Variants in FBXO31 observed in about 807,000 individuals in gnomAD.
The protein encoded by FBXO31 is F-box protein 31, also known as F-box only protein 31.
FBXO31 carries 24 observed loss-of-function variants against 54.4 expected under a neutral mutation model. That is an observed-to-expected ratio of 0.44 (90% CI 0.32 to 0.62). The LOEUF (loss-of-function observed/expected upper bound fraction) is 0.62. Among genes scored for constraint, FBXO31 ranks in the 20% least tolerant of loss-of-function variants. FBXO31 has a pLI of 0.05. For synonymous variants in FBXO31, 388 were observed against 335.6 expected, an observed-to-expected ratio of 1.16 and a Z score of -1.71; for missense variants, 665 against 787.1, an observed-to-expected ratio of 0.84 and a Z score of 1.86.
In FBXO31 at chr16:87,366,792, C is replaced by T. The variant is rs558884163; in HGVS notation, c.341-6426G>A. On this transcript the variant is annotated intron_variant, in intron 1 of 8. Coordinates refer to ENST00000311635, the MANE Select transcript of FBXO31 (RefSeq NM_024735.5). ...GACGGGCCGGCTGCTGGGAGTGTGACGTCCACTCTTCTGCAAAGAAAGGGG... is the reference window on the plus strand; with the variant it reads ...GACGGGCCGGCTGCTGGGAGTGTGATGTCCACTCTTCTGCAAAGAAAGGGG... 2.3e-4 allele frequency among the ~76,000 whole-genome samples: 35 copies of T among 152,282 alleles called. 1 individual carries two copies. In the South Asian group the frequency reaches 6.8e-3, roughly 30 times the overall value.
chr16:87,367,782 G>A (rs1029515071), intron 1 of FBXO31: 7 of 152,180 alleles, frequency 4.6e-5, no homozygotes, highest in African/African-American at 1.4e-4. Context: ...GTGGACACCG[G>A]AAAACGCATC....
In FBXO31 at chr16:87,347,254, CAGG is replaced by C. The variant is rs1413847119; in HGVS notation, c.413-7_413-5del. On this transcript the variant is annotated splice_polypyrimidine_tract_variant and splice_region_variant and intron_variant, in intron 2 of 8. Coordinates refer to ENST00000311635, the MANE Select transcript of FBXO31 (RefSeq NM_024735.5). ...ATGTGTCTATATCGGTGAAGCACTACAGGAGGAGAGAAAGAGCAAGTCTCTGTG... is the reference window on the plus strand; with the variant it reads ...ATGTGTCTATATCGGTGAAGCACTACAGGAGAGAAAGAGCAAGTCTCTGTG... The C allele has an allele frequency of 6.2e-7, 1 of 1,613,786 alleles. No individual in the cohort carries two copies. The highest frequency in any genetic ancestry group is 8.5e-7 in the Non-Finnish European group (1 of 1,179,826).
intron 7 of FBXO31, 118 bp from the exon 8 acceptor site, chr16:87,334,404 C>A: frequency 1.1e-6 from 1 of 887,448 alleles, no homozygotes; most frequent in Non-Finnish European, 1.7e-6. Context: ...CTCCTACTGA[C>A]TTAGCAACGT....
At chr16:87,354,016 C>G (rs1322844254) in intron 2 of FBXO31, among the ~76,000 whole-genome samples, 1 of 152,246 alleles carries the variant, frequency 6.6e-6, no homozygotes, top group Admixed American at 6.5e-5. Context: ...GGGATTCTGC[C>G]TCATGTGCGC....
At chr16:87,367,771 G>C (rs1255100569) in intron 1 of FBXO31, 1 of 152,154 alleles carries the variant, frequency 6.6e-6, no homozygotes, top group Non-Finnish European at 1.5e-5. Flanking sequence ...CGGCCAGATG[G>C]GTGGACACCG....
chr16:87,342,434 C>A (rs1248030932), intron 5 of FBXO31, among the ~76,000 whole-genome samples: 1 of 152,174 alleles, frequency 6.6e-6, no homozygotes, highest in Non-Finnish European at 1.5e-5. Flanking sequence ...AATACTCAGG[C>A]AAACAATCAC....
chr16:87,360,423 G>T, intron 1 of FBXO31, 57 bp from the exon 2 acceptor site: 1 of 1,506,960 alleles, frequency 6.6e-7, no homozygotes, highest in Non-Finnish European at 9.2e-7. Flanking sequence ...CGCGACAGAC[G>T]TGGGCAGGCT....
chr16:87,383,449 C>A lies in FBXO31; in HGVS notation c.296G>T (p.Arg99Leu). 5 of 1,587,438 alleles carry A rather than the reference C, an allele frequency of 3.1e-6. No homozygotes were observed. Among genetic ancestry groups the A allele is most frequent in the Middle Eastern group, 1.8e-4 (1 of 5,596 alleles). ...SLAQVCTKFR[R>L]ILHTDTIWRR... Reference sequence around the variant, plus strand: ...CCAGATGGTGTCGGTGTGGAGGATGCGCCGGAACTTCGTGCAGACCTGGGC... The same window carrying A: ...CCAGATGGTGTCGGTGTGGAGGATGAGCCGGAACTTCGTGCAGACCTGGGC... Residue 99 changes from arginine (R) to leucine (L), a missense_variant, in exon 1 of 9, where the codon CGC (arginine) becomes CTC (leucine). By Grantham distance (102) the Arg-to-Leu change is moderately radical. Transcript: ENST00000311635. The surrounding 1 kb of genome is among the most constrained non-coding windows in gnomAD (Gnocchi z 4.9).
At chr16:87,332,903 G>A (rs1165936258) in intron 8 of FBXO31, among the ~76,000 whole-genome samples, 2 of 152,188 alleles carry the variant, frequency 1.3e-5, no homozygotes, top group South Asian at 2.1e-4. Context: ...ACTGACAGGC[G>A]GACCCTCAAA....
chr16:87,392,077 C>A (rs16944733), upstream of FBXO31: 36,404 of 226,568 alleles, frequency 0.16, 3,544 homozygotes, highest in East Asian at 0.39. Flanking sequence ...AGCCCACAAC[C>A]GTCACCTCAG....
rs1904849026 is a variant in FBXO31 at position 87,331,353 on chromosome 16, C to T, written c.1555G>A (p.Ala519Thr). 1.2e-6 allele frequency: 2 copies of T among 1,613,994 alleles called. No homozygotes were observed. Among genetic ancestry groups the T allele is most frequent in the Non-Finnish European group, 1.7e-6 (2 of 1,180,036 alleles). The change falls in exon 9 of 9, where the codon GCA becomes ACA. Residue 519 changes from alanine to threonine, a missense_variant. By Grantham distance (58) the Ala-to-Thr change is moderately conservative. Transcript: ENST00000311635. ...YSRVQATFRN[A>T]DAPSPQAFDE... is the part of the protein sequence containing the mutation. ...AAGGCCTGTGGGGACGGCGCATCTG[C>T]GTTCCGGAAGGTGGCCTGGACCCGG...
chr16:87,353,159 C>T (rs766147808), intron 2 of FBXO31, among the ~76,000 whole-genome samples: 2 of 152,304 alleles, frequency 1.3e-5, no homozygotes, highest in African/African-American at 2.4e-5. Context: ...GCTTCCGAGG[C>T]TGCTGCCCTG....
At chr16:87,360,491 C>G (rs895550990) in intron 1 of FBXO31, 125 bp from the exon 2 acceptor site, 6 of 738,914 alleles carry the variant, frequency 8.1e-6, no homozygotes, top group Admixed American at 6.2e-5. Flanking sequence ...CAGAGTGCAT[C>G]TGTCACTGTG....
chr16:87,353,475 T>C (rs1280486867), intron 2 of FBXO31, among the ~76,000 whole-genome samples: 1 of 152,204 alleles, frequency 6.6e-6, no homozygotes, highest in Non-Finnish European at 1.5e-5. Context: ...AACGAATGCT[T>C]GCGCAGAAAG....
upstream of FBXO31, among the ~76,000 whole-genome samples, chr16:87,391,308 A>G (rs1014484649): frequency 6.6e-6 from 1 of 152,194 alleles, no homozygotes; most frequent in Non-Finnish European, 1.5e-5. Flanking sequence ...CCCTGTCTCA[A>G]AAAAACCCCA....
chr16:87,391,072 C>T (rs1294024810), upstream of FBXO31, among the ~76,000 whole-genome samples: 1 of 152,148 alleles, frequency 6.6e-6, no homozygotes, highest in Non-Finnish European at 1.5e-5. Context: ...GCCAAATAGC[C>T]GGGAGCAGTG....
intron 8 of FBXO31, among the ~76,000 whole-genome samples, 169 bp from the exon 9 acceptor site, chr16:87,331,679 G>A (rs1904865601): frequency 1.3e-5 from 2 of 152,264 alleles, no homozygotes; most frequent in African/African-American, 2.4e-5. Flanking sequence ...AGCTGGGGGT[G>A]TGGGCTGAGC....
intron 1 of FBXO31, among the ~76,000 whole-genome samples, chr16:87,365,037 A>ATATATCTATATATC (rs1489132121): frequency 2.8e-5 from 3 of 106,892 alleles, no homozygotes; most frequent in African/African-American, 1.1e-4. Flanking sequence ...ATATATATAT[A>ATATATCTATATATC]TATCAGGCAG....
chr16:87,347,948 C>A (rs909735424), intron 2 of FBXO31, among the ~76,000 whole-genome samples: 5 of 152,360 alleles, frequency 3.3e-5, no homozygotes, highest in African/African-American at 9.6e-5. Context: ...GTCACACTCG[C>A]TGAAGGCCCA....
Sources: gnomAD v4.1 joint callset for allele counts (sites outside exome capture counted in the v4.1 genomes callset) on GRCh38, gnomAD v4.1.1 for gene constraint, Gnocchi (gnomAD v3.1) non-coding constraint, MANE v1.5 for transcripts, NCBI Gene and HGNC (gene_info 2026-07-23, HGNC 2026-07-21) for gene names.